ARHGAP32: variants seen among roughly 807,000 people sequenced by gnomAD.
The protein encoded by ARHGAP32 is rho GTPase-activating protein 32.
In ARHGAP32, 51 loss-of-function variants were observed where a neutral mutation model predicts 186.5. The observed-to-expected ratio is 0.27, with a 90% CI of 0.22 to 0.35. The LOEUF (loss-of-function observed/expected upper bound fraction) is 0.35, where lower values mean the gene tolerates loss of function less well. Among genes scored for constraint, ARHGAP32 ranks in the 10% least tolerant of loss-of-function variants. ARHGAP32 has a pLI of 1.00. For missense variants in ARHGAP32, 2,186 were observed against 2,623.5 expected (o/e 0.83, Z 3.64); for synonymous variants, 950 against 964.3 (o/e 0.99, Z 0.27).
intron 2 of ARHGAP32, among the ~76,000 whole-genome samples, chr11:129,130,600 A>G (rs1358413825): frequency 6.6e-6 from 1 of 152,092 alleles, no homozygotes; most frequent in East Asian, 1.9e-4. Flanking sequence ...AATAGCCAAT[A>G]ATCAAGCTAC....
intron 11 of ARHGAP32, among the ~76,000 whole-genome samples, chr11:129,031,305 A>C (rs1416222308): frequency 6.6e-6 from 1 of 152,230 alleles, no homozygotes; most frequent in Non-Finnish European, 1.5e-5. Context: ...AGGGGTCTTA[A>C]GTACCTTATC....
chr11:129,191,994 G>C, intron 1 of ARHGAP32, 89 bp downstream of exon 1: 1 of 1,003,358 alleles, frequency 1.0e-6, no homozygotes, highest in Non-Finnish European at 1.5e-6. Context: ...AGTCTTATTG[G>C]AAAAAAGACC....
At chr11:129,047,882 A>T (rs181304234) in intron 10 of ARHGAP32, among the ~76,000 whole-genome samples, 146 of 152,292 alleles carry the variant, frequency 9.6e-4, no homozygotes, top group African/African-American at 3.5e-3. Flanking sequence ...TCTCCATTGA[A>T]TTGTTAGAAT....
chr11:128,989,071 A>G (rs1945961860), intron 12 of ARHGAP32, among the ~76,000 whole-genome samples: 1 of 152,186 alleles, frequency 6.6e-6, no homozygotes, highest in Admixed American at 6.6e-5. Context: ...TGAAACAAAT[A>G]AGGCATTTTA....
At chr11:129,056,743 C>T (rs1346178359) in intron 10 of ARHGAP32, among the ~76,000 whole-genome samples, 1 of 152,170 alleles carries the variant, frequency 6.6e-6, no homozygotes, top group Non-Finnish European at 1.5e-5. Context: ...ACACATCGAG[C>T]TGAGCAGAGC....
chr11:129,205,928 C>CAA (rs1396053271), intron 1 of ARHGAP32, among the ~76,000 whole-genome samples: 7 of 151,890 alleles, frequency 4.6e-5, no homozygotes, highest in African/African-American at 1.7e-4. Flanking sequence ...CAACCATATA[C>CAA]AAAAGTATAT....
intron 15 of ARHGAP32, 56 bp downstream of exon 15, chr11:128,985,947 C>A (rs371639568): frequency 1.6e-6 from 2 of 1,216,614 alleles, no homozygotes; most frequent in Admixed American, 3.2e-5. Flanking sequence ...GAAAAAAAAA[C>A]GTTTACAGGT....
chr11:129,152,417 G>A (rs1418514617), intron 2 of ARHGAP32, among the ~76,000 whole-genome samples: 1 of 151,926 alleles, frequency 6.6e-6, no homozygotes, highest in Non-Finnish European at 1.5e-5. Flanking sequence ...CCAAAACCAG[G>A]AAAGGACATA....
intron 1 of ARHGAP32, among the ~76,000 whole-genome samples, chr11:129,246,446 A>G (rs1945098094): frequency 6.6e-6 from 1 of 152,190 alleles, no homozygotes; most frequent in Non-Finnish European, 1.5e-5. Flanking sequence ...AAATGTTTTG[A>G]TAATGAATAA....
At chr11:129,080,472 T>C (rs1941187374) in intron 6 of ARHGAP32, among the ~76,000 whole-genome samples, 1 of 152,144 alleles carries the variant, frequency 6.6e-6, no homozygotes, top group Non-Finnish European at 1.5e-5. Context: ...TGCAAATACA[T>C]GGAAATTAAA....
At chr11:129,194,947 G>A (rs1202334590), upstream of ARHGAP32, among the ~76,000 whole-genome samples, 1 of 111,320 alleles carries the variant, frequency 9.0e-6, no homozygotes, top group African/African-American at 3.5e-5. Flanking sequence ...TTGTTTTTTT[G>A]TGGGGGGGGG....
intron 1 of ARHGAP32, among the ~76,000 whole-genome samples, chr11:129,247,996 A>G (rs1370027779): frequency 6.6e-6 from 1 of 152,156 alleles, no homozygotes; most frequent in Non-Finnish European, 1.5e-5. Flanking sequence ...ATACAATCTG[A>G]CCAAATCATA....
Position 129,165,110 on chromosome 11 carries a change from C to T in ARHGAP32, c.117-683G>A, listed in dbSNP as rs553945015. 9.2e-5 allele frequency among the ~76,000 whole-genome samples: 14 copies of T among 152,138 alleles called. No homozygotes were observed. In the South Asian group the frequency reaches 2.7e-3, roughly 29 times the overall value. On this transcript the variant is annotated intron_variant, in intron 1 of 22. Transcript: ENST00000682385. ...GGGATGAGAAGGCAGAGGTTGGAGG[C>T]TGGGATTACCAAAGTAGGGAGGAAT... is the stretch of plus-strand genomic sequence containing the variant.
At chr11:129,086,693 C>T (rs909615284) in intron 6 of ARHGAP32, among the ~76,000 whole-genome samples, 2 of 151,754 alleles carry the variant, frequency 1.3e-5, no homozygotes, top group African/African-American at 4.8e-5. Flanking sequence ...TGGTGGTGGG[C>T]GCCTGTAGTC....
At chr11:128,984,846 C>A (rs1945815612) in intron 15 of ARHGAP32, among the ~76,000 whole-genome samples, 1 of 151,618 alleles carries the variant, frequency 6.6e-6, no homozygotes, top group Non-Finnish European at 1.5e-5. Context: ...TATTGAACAT[C>A]TATCTGCAAG....
At chr11:129,008,664 A>C (rs1937912613) in intron 11 of ARHGAP32, among the ~76,000 whole-genome samples, 1 of 152,174 alleles carries the variant, frequency 6.6e-6, no homozygotes, top group South Asian at 2.1e-4. Context: ...AAATGAAAAA[A>C]AATTATTATT....
chr11:128,986,104 A>G lies in ARHGAP32; in HGVS notation c.1444-19T>C. On this transcript the variant is annotated intron_variant, in intron 14 of 22. Transcript: ENST00000682385. ...CTGCATCCTAGAAGAGTCACAGTACAAAATAAACTAGTGAGCTCTGTTAGT... is the reference window on the plus strand; with the variant it reads ...CTGCATCCTAGAAGAGTCACAGTACGAAATAAACTAGTGAGCTCTGTTAGT... The G allele has an allele frequency of 6.4e-7, 1 of 1,570,838 alleles. No homozygotes were observed. Among genetic ancestry groups the G allele is most frequent in the Non-Finnish European group, 8.7e-7 (1 of 1,152,362 alleles).
At chr11:129,193,610 AAT>A (rs1289788565), upstream of ARHGAP32, among the ~76,000 whole-genome samples, 112 of 78,244 alleles carry the variant, frequency 1.4e-3, 1 homozygote, top group Non-Finnish European at 2.1e-3. Flanking sequence ...TATAATATAT[AAT>A]ATATGTTATA....
intron 11 of ARHGAP32, among the ~76,000 whole-genome samples, chr11:129,033,781 C>CT (rs1462024530): frequency 1.3e-5 from 2 of 152,142 alleles, no homozygotes; most frequent in African/African-American, 2.4e-5. Context: ...TCAGGCTTCT[C>CT]TTTTTTTATA....
Sources: gnomAD v4.1 joint callset for allele counts (sites outside exome capture counted in the v4.1 genomes callset) on GRCh38, gnomAD v4.1.1 for gene constraint, MANE v1.5 for transcripts, NCBI Gene and HGNC (gene_info 2026-07-23, HGNC 2026-07-21) for gene names.